Variants in ALG6 observed in about 807,000 individuals in gnomAD.
The protein encoded by ALG6 is ALG6 alpha-1,3-glucosyltransferase, also known as dolichyl pyrophosphate Man9GlcNAc2 alpha-1,3-glucosyltransferase.
In ALG6, 46 loss-of-function variants were observed where a neutral mutation model predicts 66.6. That is an observed-to-expected ratio of 0.69 (90% CI 0.55 to 0.88). The LOEUF is 0.88. Ranked by LOEUF, ALG6 falls within the 40% of genes least tolerant of loss-of-function variation. The pLI, the probability that ALG6 is intolerant of heterozygous loss-of-function variation, is 0.00. For missense variants in ALG6, 505 were observed against 586.8 expected (o/e 0.86, Z 1.44); for synonymous variants, 185 against 203.7 (o/e 0.91, Z 0.78).
chr1:63,404,546 AAG>A lies in ALG6; in HGVS notation c.346+8_346+9del. 1 of 1,612,022 alleles carries A rather than the reference AAG, an allele frequency of 6.2e-7. No homozygotes were observed. Among genetic ancestry groups the A allele is most frequent in the South Asian group, 1.1e-5 (1 of 91,044 alleles). On this transcript the variant is annotated splice_donor_region_variant and intron_variant, in intron 5 of 14. Coordinates refer to ENST00000263440, the MANE Select transcript of ALG6 (RefSeq NM_013339.4). The stretch of plus-strand genomic sequence containing the variant: ...AGCTCTTCATGCGTACAACAGGTAA[AAG>A]AGCAATGGGTAGTGAATATAAAATT...
chr1:63,396,690 T>A (rs996450499), intron 3 of ALG6, 93 bp downstream of exon 3: 5 of 1,111,584 alleles, frequency 4.5e-6, no homozygotes, highest in Non-Finnish European at 6.7e-6. Flanking sequence ...TTCTTCATCT[T>A]GAACATCCTC....
chr1:63,368,460 G>A (rs947319850), intron 1 of ALG6, among the ~76,000 whole-genome samples: 2 of 152,088 alleles, frequency 1.3e-5, no homozygotes, highest in Non-Finnish European at 2.9e-5. Flanking sequence ...CCTGCTCACA[G>A]GGAGCCTTTA....
chr1:63,423,507 T>C (rs900990388), intron 12 of ALG6, among the ~76,000 whole-genome samples: 1 of 152,176 alleles, frequency 6.6e-6, no homozygotes, highest in African/African-American at 2.4e-5. Context: ...GCAGTCCCTC[T>C]CCATTTTCCC....
intron 1 of ALG6, among the ~76,000 whole-genome samples, chr1:63,368,981 T>C (rs2100375636): frequency 6.6e-6 from 1 of 152,320 alleles, no homozygotes; most frequent in South Asian, 2.1e-4. Flanking sequence ...CACCATCCCT[T>C]CTTTCCTCCC....
intron 2 of ALG6, among the ~76,000 whole-genome samples, chr1:63,395,780 TA>T (rs1648806912): frequency 6.6e-6 from 1 of 152,174 alleles, no homozygotes; most frequent in African/African-American, 2.4e-5. Flanking sequence ...CCTTATGAAG[TA>T]AAAATAAACC....
At chr1:63,427,514 A>T (rs372306584) in intron 12 of ALG6, among the ~76,000 whole-genome samples, 9 of 152,322 alleles carry the variant, frequency 5.9e-5, no homozygotes, top group African/African-American at 2.2e-4. Flanking sequence ...ATTGTATTTT[A>T]AAAAAGTAAA....
rs556969193 is a variant in ALG6 at position 63,403,751 on chromosome 1, T to C, written c.258-702T>C. Among the ~76,000 whole-genome samples, 11 of 152,322 alleles carry C rather than the reference T, an allele frequency of 7.2e-5. No homozygotes were observed. The East Asian group carries it at 1.7e-3, about 24-fold the overall frequency. ...AAACCTGTACAGCATGTCACTGTAC[T>C]GAATACTGTAGGCAGTTGTAACACA... is the stretch of plus-strand genomic sequence containing the variant. On this transcript the variant is annotated intron_variant, in intron 4 of 14. Coordinates refer to ENST00000263440, the MANE Select transcript of ALG6 (RefSeq NM_013339.4).
intron 2 of ALG6, among the ~76,000 whole-genome samples, chr1:63,390,844 CT>C (rs2100399388): frequency 6.6e-6 from 1 of 152,348 alleles, no homozygotes; most frequent in Non-Finnish European, 1.5e-5. Context: ...CAGATTCTCT[CT>C]TCATGCCATG....
chr1:63,415,750 A>C (rs1246676489), intron 10 of ALG6, 123 bp from the exon 11 acceptor site: 3 of 586,786 alleles, frequency 5.1e-6, no homozygotes, highest in East Asian at 6.1e-5. Context: ...ATAAAAATAT[A>C]GTTTGAAATA....
At chr1:63,399,818 C>T (rs1389449644) in intron 3 of ALG6, among the ~76,000 whole-genome samples, 3 of 151,840 alleles carry the variant, frequency 2.0e-5, no homozygotes, top group Non-Finnish European at 4.4e-5. Context: ...ACTTACTAAA[C>T]ATCTACTGAG....
At chr1:63,400,117 CT>C (rs1644439098) in intron 3 of ALG6, among the ~76,000 whole-genome samples, 1 of 145,724 alleles carries the variant, frequency 6.9e-6, no homozygotes, top group African/African-American at 2.6e-5. Flanking sequence ...TCGCTTGAAC[CT>C]GGGAGGCGGA....
chr1:63,407,130 T>C lies in ALG6; in HGVS notation c.494+4T>C. ...TTATAGACTATGGACATTTTCAGTA[T>C]CCTTTACTAATGCAGAAATGAAGTC... On this transcript the variant is annotated splice_donor_region_variant and intron_variant, in intron 7 of 14. Coordinates refer to ENST00000263440, the MANE Select transcript of ALG6 (RefSeq NM_013339.4). 1 of 1,598,356 alleles carries C rather than the reference T, an allele frequency of 6.3e-7. No homozygotes were observed. Among genetic ancestry groups the C allele is most frequent in the Non-Finnish European group, 8.6e-7 (1 of 1,166,396 alleles).
intron 2 of ALG6, among the ~76,000 whole-genome samples, chr1:63,379,723 G>A (rs192501594): frequency 6.7e-5 from 10 of 149,862 alleles, no homozygotes; most frequent in South Asian, 2.1e-4. Flanking sequence ...AGTAGGATAC[G>A]TAATACTATA....
chr1:63,436,011 A>G (rs1320788662), intron 14 of ALG6, among the ~76,000 whole-genome samples: 2 of 152,192 alleles, frequency 1.3e-5, no homozygotes, highest in East Asian at 1.9e-4. Flanking sequence ...CAGTAGATGG[A>G]AAACTCTTTG....
intron 3 of ALG6, among the ~76,000 whole-genome samples, chr1:63,401,387 C>T (rs567322413): frequency 1.5e-4 from 23 of 151,864 alleles, no homozygotes; most frequent in Admixed American, 1.3e-4. Context: ...TAAGTTAGGC[C>T]GGGCATGGTG....
chr1:63,431,756 A>G (rs891292406), intron 14 of ALG6, among the ~76,000 whole-genome samples: 1 of 152,230 alleles, frequency 6.6e-6, no homozygotes, highest in African/African-American at 2.4e-5. Context: ...ATTCTTAAGT[A>G]TAACGAATGA....
chr1:63,374,452 AC>A (rs1337995897), intron 2 of ALG6, among the ~76,000 whole-genome samples: 1 of 152,010 alleles, frequency 6.6e-6, no homozygotes, highest in Non-Finnish European at 1.5e-5. Flanking sequence ...ACACAGTGAA[AC>A]CCCGTCTCTA....
chr1:63,396,370 A>C (rs548701454), intron 2 of ALG6, 143 bp from the exon 3 acceptor site: 19 of 722,574 alleles, frequency 2.6e-5, no homozygotes, highest in African/African-American at 2.5e-4. Flanking sequence ...TTCAGATTTT[A>C]TCTCTCTGAC....
At chr1:63,434,507 A>G (rs1378173889) in intron 14 of ALG6, among the ~76,000 whole-genome samples, 1 of 152,258 alleles carries the variant, frequency 6.6e-6, no homozygotes, top group African/African-American at 2.4e-5. Flanking sequence ...ACCTGGATAT[A>G]TGAGTCCAGA....
Sources: gnomAD v4.1 joint callset for allele counts (sites outside exome capture counted in the v4.1 genomes callset) on GRCh38, gnomAD v4.1.1 for gene constraint, MANE v1.5 for transcripts, NCBI Gene and HGNC (gene_info 2026-07-23, HGNC 2026-07-21) for gene names.